GORASP1: variants seen among roughly 807,000 people sequenced by gnomAD.
The protein encoded by GORASP1 is golgi reassembly stacking protein 1.
In GORASP1, 31 loss-of-function variants were observed where a neutral mutation model predicts 37.7. The ratio of observed to expected loss-of-function variants is 0.82; its 90% CI spans 0.62 to 1.11. GORASP1 has a LOEUF of 1.11. Ranked by LOEUF, GORASP1 falls within the 50% of genes least tolerant of loss-of-function variation. The pLI, the probability that GORASP1 is intolerant of heterozygous loss-of-function variation, is 0.00. For synonymous variants in GORASP1, 204 were observed against 224.8 expected, an observed-to-expected ratio of 0.91 and a Z score of 0.83; for missense variants, 476 against 560.7, an observed-to-expected ratio of 0.85 and a Z score of 1.53.
chr3:39,098,802 TGTG>T lies in GORASP1; in HGVS notation c.1005_1007del (p.Thr336del). ...CCTCTGGCCCTGAGGTTGAGACAGC[TGTG>T]GTGGTCAGTTCTGTGGAAGAGGGCA... On this transcript the variant is annotated inframe_deletion, in exon 8 of 9. Coordinates refer to ENST00000319283, the MANE Select transcript of GORASP1 (RefSeq NM_031899.4). The surrounding 1 kb of genome is among the most constrained non-coding windows in gnomAD (Gnocchi z 4.7). The T allele has an allele frequency of 1.9e-6, 3 of 1,614,174 alleles. No individual in the cohort carries two copies. Among genetic ancestry groups the T allele is most frequent in the Non-Finnish European group, 2.5e-6 (3 of 1,180,000 alleles).
rs958821062 is a variant in GORASP1 at position 39,102,096 on chromosome 3, C to A, written c.348+582G>T. Among the ~76,000 whole-genome samples, 1 of 151,984 alleles carries A rather than the reference C, an allele frequency of 6.6e-6. No homozygotes were observed. Among genetic ancestry groups the A allele is most frequent in the African/African-American group, 2.4e-5 (1 of 41,294 alleles). On this transcript the variant is annotated intron_variant, in intron 3 of 8. Coordinates refer to ENST00000319283, the MANE Select transcript of GORASP1 (RefSeq NM_031899.4). The surrounding 1 kb of genome is among the most constrained non-coding windows in gnomAD (Gnocchi z 5.0). ...CAAACATCATAGAACTTAACCTACACATAGCCTACTAGACACCTGGAGTAT... is the reference window on the plus strand; with the variant it reads ...CAAACATCATAGAACTTAACCTACAAATAGCCTACTAGACACCTGGAGTAT...
In GORASP1 at chr3:39,098,265, T is replaced by C. The variant is rs779345664; in HGVS notation, c.1294A>G (p.Ser432Gly). 6 of 1,614,190 alleles carry C rather than the reference T, an allele frequency of 3.7e-6. No individual in the cohort carries two copies. The highest frequency in any genetic ancestry group is 5.1e-6 in the Non-Finnish European group (6 of 1,180,034). The change falls in exon 9 of 9, where the codon AGC (serine) becomes GGC (glycine). Residue 432 changes from serine (S) to glycine (G), a missense_variant. Transcript: ENST00000319283. The surrounding 1 kb of genome is among the most constrained non-coding windows in gnomAD (Gnocchi z 4.7). ...TCTGTGGTAGAGATCTGGGCCTGGC[T>C]GTCCAGCCCCTCAGCCTCCGTCCCA... The part of the protein sequence containing the change: ...DTGTEAEGLD[S>G]QAQISTTE
At chr3:39,099,097 C>G (rs2035529640) in intron 7 of GORASP1, 2 of 798,356 alleles carry the variant, frequency 2.5e-6, no homozygotes, top group Non-Finnish European at 4.3e-6. Flanking sequence ...AGTTGGTCAT[C>G]ATGTGAATAG....
At position 39,107,466 on chromosome 3, in the gene GORASP1, G is replaced by A. The variant is rs927485890; in HGVS notation, c.63+13C>T. 8.2e-6 allele frequency: 11 copies of A among 1,345,276 alleles called. No individual in the cohort carries two copies. Among genetic ancestry groups the A allele is most frequent in the African/African-American group, 4.6e-5 (3 of 65,414 alleles). The allele number at this position is 1,345,276 out of a possible 1,614,324, so 83.3% of individuals were successfully genotyped here. On this transcript the variant is annotated intron_variant, in intron 1 of 8. Transcript: ENST00000319283. ...GCCTCGCCAAGGTCACCGGCGCCGC[G>A]GCGGCAACTCACCCCGTGGAGGTGG...
rs1391903720 is a variant in GORASP1 at position 39,102,705 on chromosome 3, C to T, written c.321G>A (p.Arg107=). 3 of 1,614,152 alleles carry T rather than the reference C, an allele frequency of 1.9e-6. No homozygotes were observed. The highest frequency in any genetic ancestry group is 2.5e-6 in the Non-Finnish European group (3 of 1,180,000). ...GASVRFCSFR[R]ASEQVWHVLD... is the part of the protein sequence containing the mutation. ...GCACATGCCACACCTGCTCACTGGCCCTGCGGAAGCTGCAGAAGCGCACAC... is the reference window on the plus strand; with the variant it reads ...GCACATGCCACACCTGCTCACTGGCTCTGCGGAAGCTGCAGAAGCGCACAC... The change falls in exon 3 of 9, where the codon AGG becomes AGA. Residue 107 remains arginine, a synonymous_variant. Coordinates refer to ENST00000319283, the MANE Select transcript of GORASP1 (RefSeq NM_031899.4). The surrounding 1 kb of genome is among the most constrained non-coding windows in gnomAD (Gnocchi z 5.0).
In GORASP1 at chr3:39,103,010, G is replaced by A. The variant is rs879781682; in HGVS notation, c.145-129C>T. On this transcript the variant is annotated intron_variant, in intron 2 of 8. Coordinates refer to ENST00000319283, the MANE Select transcript of GORASP1 (RefSeq NM_031899.4). The surrounding 1 kb of genome is among the most constrained non-coding windows in gnomAD (Gnocchi z 5.2). ...CCCTCAGCAGGGTCACTGTGGGGATGGGCCAAGGTAGTGGATGGGCCAGGT... is the reference window on the plus strand; with the variant it reads ...CCCTCAGCAGGGTCACTGTGGGGATAGGCCAAGGTAGTGGATGGGCCAGGT... The A allele has an allele frequency of 5.2e-5, 45 of 873,598 alleles. No homozygotes were observed. The highest frequency in any genetic ancestry group is 8.0e-5 in the Non-Finnish European group (42 of 526,626). The allele number at this position is 873,598 out of a possible 1,614,324, so 54.1% of individuals were successfully genotyped here. A position where few individuals can be genotyped will look rare whatever the true frequency, so the allele number is the denominator to read the frequency against.
In GORASP1 at chr3:39,097,294, G is replaced by C. The variant is rs1320856784; in HGVS notation, c.*942C>G. The stretch of plus-strand genomic sequence containing the variant: ...CAGTCAACACAGCAGAGGACTTCAG[G>C]TGATGAGGGGCCGTCCCCAGGTGGA... On this transcript the variant is annotated 3_prime_UTR_variant, in exon 9 of 9. Coordinates refer to ENST00000319283, the MANE Select transcript of GORASP1 (RefSeq NM_031899.4). The C allele has an allele frequency of 6.6e-6, 1 of 151,400 alleles. No individual in the cohort carries two copies. The highest frequency in any genetic ancestry group is 2.5e-5 in the African/African-American group (1 of 40,578). The allele number at this position is 151,400 out of a possible 1,614,324, so 9.4% of individuals were successfully genotyped here.
At position 39,100,127 on chromosome 3, in the gene GORASP1, G is replaced by A. The variant is rs2035600707; in HGVS notation, c.765+178C>T. 6.6e-6 allele frequency among the ~76,000 whole-genome samples: 1 copy of A among 152,216 alleles called. No individual in the cohort carries two copies. Among genetic ancestry groups the A allele is most frequent in the Admixed American group, 6.5e-5 (1 of 15,288 alleles). ...CCACCCTCACTTCTAGACCCAAGGG[G>A]CAGGAAAGCCAAAAGTGAGTTTCAC... On this transcript the variant is annotated intron_variant, in intron 6 of 8. Transcript: ENST00000319283. The surrounding 1 kb of genome is among the most constrained non-coding windows in gnomAD (Gnocchi z 4.6).
In GORASP1 at chr3:39,107,549, G is replaced by A. The variant is rs2036287958; in HGVS notation, c.-8C>T. 1 of 1,491,208 alleles carries A rather than the reference G, an allele frequency of 6.7e-7. No homozygotes were observed. Among genetic ancestry groups the A allele is most frequent in the African/African-American group, 1.4e-5 (1 of 70,258 alleles). The allele number at this position is 1,491,208 out of a possible 1,614,324, so 92.4% of individuals were successfully genotyped here. A position where few individuals can be genotyped will look rare whatever the true frequency, so the allele number is the denominator to read the frequency against. Reference sequence around the variant, plus strand: ...GCTGACGCCCAGGCCCATGGCAGCGGCTCCGCTCGGCACCCAGGTCCAGTC... The same window carrying A: ...GCTGACGCCCAGGCCCATGGCAGCGACTCCGCTCGGCACCCAGGTCCAGTC... On this transcript the variant is annotated 5_prime_UTR_variant, in exon 1 of 9. Transcript: ENST00000319283.
chr3:39,102,111 A>AC lies in GORASP1; in HGVS notation c.348+566dup, dbSNP rs2035757973. Among the ~76,000 whole-genome samples, 1 of 152,160 alleles carries AC rather than the reference A, an allele frequency of 6.6e-6. No individual in the cohort carries two copies. The highest frequency in any genetic ancestry group is 1.5e-5 in the Non-Finnish European group (1 of 68,032). ...TTAACCTACACATAGCCTACTAGAC[A>AC]CCTGGAGTATATGCTATGGCCTGTT... On this transcript the variant is annotated intron_variant, in intron 3 of 8. Coordinates refer to ENST00000319283, the MANE Select transcript of GORASP1 (RefSeq NM_031899.4). This position sits in a 1 kb window ranked among gnomAD's most constrained non-coding sequence, Gnocchi z 5.0.
At position 39,098,146 on chromosome 3, in the gene GORASP1, G is replaced by A. The variant is rs1244115226; in HGVS notation, c.*90C>T. ...GCCTCATGTCCCACCAAAGCAGCAA[G>A]GAATCCTGACCGCATAGTGCAGCCC... is the stretch of plus-strand genomic sequence containing the variant. On this transcript the variant is annotated 3_prime_UTR_variant, in exon 9 of 9. Transcript: ENST00000319283. This position sits in a 1 kb window ranked among gnomAD's most constrained non-coding sequence, Gnocchi z 4.7. 1.4e-6 allele frequency: 2 copies of A among 1,466,920 alleles called. No homozygotes were observed. The highest frequency in any genetic ancestry group is 1.8e-6 in the Non-Finnish European group (2 of 1,085,002). The allele number at this position is 1,466,920 out of a possible 1,614,324, so 90.9% of individuals were successfully genotyped here. A position where few individuals can be genotyped will look rare whatever the true frequency, so the allele number is the denominator to read the frequency against.
Position 39,100,735 on chromosome 3 carries a change from C to G in GORASP1, c.566+12G>C, listed in dbSNP as rs750902468. On this transcript the variant is annotated intron_variant, in intron 5 of 8. Transcript: ENST00000319283. The surrounding 1 kb of genome is among the most constrained non-coding windows in gnomAD (Gnocchi z 4.6). The stretch of plus-strand genomic sequence containing the variant: ...CCACCTGGCCCTGCAGCCCTCCAAC[C>G]CCACGAAGTACCTGCCCTCTCCACC... 7 of 1,612,734 alleles carry G rather than the reference C, an allele frequency of 4.3e-6. No individual in the cohort carries two copies. In the African/African-American group the frequency reaches 8.0e-5, roughly 18 times the overall value.
In GORASP1 at chr3:39,103,212, C is replaced by A. The variant is rs2035831023; in HGVS notation, c.144+261G>T. The A allele has an allele frequency of 5.1e-6, 3 of 588,104 alleles. No homozygotes were observed. Among genetic ancestry groups the A allele is most frequent in the Admixed American group, 6.0e-5 (2 of 33,392 alleles). 36.4% of individuals were successfully genotyped at this position (588,104 alleles called of 1,614,324 possible). ...GGCCAGGGCCCTCATATCCCTCATG[C>A]CCCAGGAGGCAGGCCCCTTGGGCCT... On this transcript the variant is annotated intron_variant, in intron 2 of 8. Transcript: ENST00000319283. This position sits in a 1 kb window ranked among gnomAD's most constrained non-coding sequence, Gnocchi z 5.2.
At chr3:39,104,071 G>C (rs1213710545) in intron 1 of GORASP1, among the ~76,000 whole-genome samples, 1 of 152,172 alleles carries the variant, frequency 6.6e-6, no homozygotes, top group Admixed American at 6.5e-5. Flanking sequence ...CAGCCTCTGG[G>C]GTGGGAGACC....
At position 39,107,502 on chromosome 3, in the gene GORASP1, C is replaced by T; in HGVS notation, c.40G>A (p.Ala14Thr). 1.4e-6 allele frequency: 2 copies of T among 1,460,130 alleles called. No homozygotes were observed. The highest frequency in any genetic ancestry group is 1.8e-6 in the Non-Finnish European group (2 of 1,114,884). The allele number at this position is 1,460,130 out of a possible 1,614,324, so 90.4% of individuals were successfully genotyped here. A position where few individuals can be genotyped will look rare whatever the true frequency, so the allele number is the denominator to read the frequency against. ...GVSAEQPAGGAEGFHLHGVQE... is the reference protein window; with the variant it reads ...GVSAEQPAGGTEGFHLHGVQE... ...ACCCCGTGGAGGTGGAAGCCCTCGG[C>T]GCCGCCTGCGGGCTGCTCAGCGCTG... The change falls in exon 1 of 9, where the codon GCC becomes ACC. Residue 14 changes from alanine (A) to threonine (T), a missense_variant. By Grantham distance (58) the Ala-to-Thr change is moderately conservative. Transcript: ENST00000319283.
rs1197298731 is a variant in GORASP1, at chr3:39,100,408, G to A, written c.662C>T (p.Ala221Val). 6 of 1,613,828 alleles carry A rather than the reference G, an allele frequency of 3.7e-6. No individual in the cohort carries two copies. Among genetic ancestry groups the A allele is most frequent in the South Asian group, 1.1e-5 (1 of 91,076 alleles). ...KKPPGTPPPS[A>V]LPLGAPPPDA... ...AGGTGGTGGGGCACCAAGTGGTAGA[G>A]CAGAAGGTGGTGGGGTGCCAGGTGG... Residue 221 changes from alanine (A) to valine (V), a missense_variant, in exon 6 of 9, where the codon GCT (alanine) becomes GTT (valine). Physicochemically the swap from Ala to Val is moderately conservative, Grantham distance 64. Transcript: ENST00000319283. The surrounding 1 kb of genome is among the most constrained non-coding windows in gnomAD (Gnocchi z 4.6).
intron 7 of GORASP1, 120 bp downstream of exon 7, chr3:39,099,233 T>C (rs2035539883): frequency 8.7e-7 from 1 of 1,143,412 alleles, no homozygotes; most frequent in Non-Finnish European, 1.3e-6. Flanking sequence ...ATGCAACTAT[T>C]AAATATCTTG....
chr3:39,104,302 G>A (rs1173131011), intron 1 of GORASP1, among the ~76,000 whole-genome samples: 2 of 152,180 alleles, frequency 1.3e-5, no homozygotes, highest in African/African-American at 4.8e-5. Context: ...CCCATTTCCA[G>A]GGTGCTCCCT....
In GORASP1 at chr3:39,098,572, C is replaced by T; in HGVS notation, c.1070-83G>A. On this transcript the variant is annotated intron_variant, in intron 8 of 8. Coordinates refer to ENST00000319283, the MANE Select transcript of GORASP1 (RefSeq NM_031899.4). The surrounding 1 kb of genome is among the most constrained non-coding windows in gnomAD (Gnocchi z 4.7). Reference sequence around the variant, plus strand: ...GGGCCAGTAACCCCACCGACCGCTCCCCATTGCCACTCCAGGTTTGATGGG... The same window carrying T: ...GGGCCAGTAACCCCACCGACCGCTCTCCATTGCCACTCCAGGTTTGATGGG... 1 of 1,529,040 alleles carries T rather than the reference C, an allele frequency of 6.5e-7. No individual in the cohort carries two copies. The highest frequency in any genetic ancestry group is 8.8e-7 in the Non-Finnish European group (1 of 1,132,460). The allele number at this position is 1,529,040 out of a possible 1,614,324, so 94.7% of individuals were successfully genotyped here. A position where few individuals can be genotyped will look rare whatever the true frequency, so the allele number is the denominator to read the frequency against.
Sources: gnomAD v4.1 joint callset for allele counts (sites outside exome capture counted in the v4.1 genomes callset) on GRCh38, gnomAD v4.1.1 for gene constraint, Gnocchi (gnomAD v3.1) non-coding constraint, MANE v1.5 for transcripts, NCBI Gene and HGNC (gene_info 2026-07-23, HGNC 2026-07-21) for gene names.